Variants in BNC2 observed in about 807,000 individuals in gnomAD.
BNC2 encodes zinc finger protein basonuclin-2.
BNC2 carries 20 observed loss-of-function variants against 76.3 expected under a neutral mutation model. That is an observed-to-expected ratio of 0.26 (90% confidence interval 0.18 to 0.38). BNC2 has a LOEUF of 0.38. Ranked by LOEUF, BNC2 falls within the 10% of genes least tolerant of loss-of-function variation. BNC2 has a pLI of 1.00. For missense variants in BNC2, 1,382 were observed against 1,399.8 expected (o/e 0.99, Z 0.20); for synonymous variants, 582 against 514.8 (o/e 1.13, Z -1.77).
At position 16,732,738 on chromosome 9, in the gene BNC2, G is replaced by A. The variant is rs565541380; in HGVS notation, c.130-4741C>T. ...ATCAGTGGTTTTTCATGTGACACACGCTGGTATTCATCTAATGGCTTGTCA... is the reference window on the plus strand; with the variant it reads ...ATCAGTGGTTTTTCATGTGACACACACTGGTATTCATCTAATGGCTTGTCA... On this transcript the variant is annotated intron_variant, in intron 2 of 6. Coordinates refer to ENST00000380672, the MANE Select transcript of BNC2 (RefSeq NM_017637.6). Among the ~76,000 whole-genome samples, 8 of 152,276 alleles carry A rather than the reference G, an allele frequency of 5.3e-5. No individual in the cohort carries two copies. In the East Asian group the frequency reaches 1.4e-3, roughly 26 times the overall value.
At chr9:16,755,887 A>G (rs778560859) in intron 1 of BNC2, among the ~76,000 whole-genome samples, 1 of 152,204 alleles carries the variant, frequency 6.6e-6, no homozygotes, top group African/African-American at 2.4e-5. Context: ...CCTTGGAGAC[A>G]TTGTGAATCT....
chr9:16,673,748 C>T (rs1050323564), intron 3 of BNC2, among the ~76,000 whole-genome samples: 1 of 152,170 alleles, frequency 6.6e-6, no homozygotes, highest in Non-Finnish European at 1.5e-5. Context: ...TTAATTTCTG[C>T]ATCCACATGC....
intron 1 of BNC2, among the ~76,000 whole-genome samples, chr9:16,764,701 G>A (rs946851533): frequency 2.7e-5 from 4 of 148,518 alleles, no homozygotes; most frequent in Non-Finnish European, 5.9e-5. Context: ...TCATTAATGT[G>A]GAATTATACA....
At chr9:16,797,984 A>G (rs1817697978) in intron 1 of BNC2, among the ~76,000 whole-genome samples, 1 of 152,164 alleles carries the variant, frequency 6.6e-6, no homozygotes, top group Non-Finnish European at 1.5e-5. Context: ...TAGCTCAGTG[A>G]AAGTAATTAC....
intron 1 of BNC2, among the ~76,000 whole-genome samples, chr9:16,847,401 C>CGGGGGG (rs869051853): frequency 0.064 from 655 of 10,258 alleles, 33 homozygotes; most frequent in Non-Finnish European, 0.091. Flanking sequence ...TTTCTCGGGG[C>CGGGGGG]GGGGGGGGGG....
At chr9:16,810,464 GAATGAC>G (rs1367431134) in intron 1 of BNC2, among the ~76,000 whole-genome samples, 1 of 152,216 alleles carries the variant, frequency 6.6e-6, no homozygotes, top group Non-Finnish European at 1.5e-5. Flanking sequence ...TACCTCATGT[GAATGAC>G]AATGACAATG....
chr9:16,507,353 G>A (rs1468139833), intron 5 of BNC2, among the ~76,000 whole-genome samples: 2 of 143,618 alleles, frequency 1.4e-5, no homozygotes, highest in Non-Finnish European at 3.0e-5. Context: ...TACGCCTCCT[G>A]GGTTCAAACG....
At chr9:16,485,139 A>G (rs78963313) in intron 5 of BNC2, among the ~76,000 whole-genome samples, 16 of 149,888 alleles carry the variant, frequency 1.1e-4, no homozygotes, top group African/African-American at 4.0e-4. Context: ...CACTATTTCT[A>G]TTTTTTTTCT....
intron 1 of BNC2, among the ~76,000 whole-genome samples, chr9:16,850,028 T>TA (rs1025433069): frequency 2.6e-5 from 4 of 152,112 alleles, no homozygotes; most frequent in Admixed American, 1.3e-4. Flanking sequence ...TTTGCTCAAC[T>TA]AAAAAAACAG....
chr9:16,497,641 G>A (rs187493073), intron 5 of BNC2, among the ~76,000 whole-genome samples: 5 of 152,122 alleles, frequency 3.3e-5, no homozygotes, highest in African/African-American at 4.8e-5. Context: ...TATAAAAATC[G>A]CTCTAAAGAA....
intron 2 of BNC2, among the ~76,000 whole-genome samples, chr9:16,730,652 A>C (rs1400366790): frequency 6.6e-6 from 1 of 152,184 alleles, no homozygotes; most frequent in Non-Finnish European, 1.5e-5. Flanking sequence ...AATGCTACCC[A>C]GTATAGGCAA....
At chr9:16,663,130 C>CTTTTTTTTTTTTTTT (rs71325979) in intron 3 of BNC2, among the ~76,000 whole-genome samples, 3,643 of 98,820 alleles carry the variant, frequency 0.037, 494 homozygotes, top group Non-Finnish European at 0.053. Flanking sequence ...TCTGTTTACT[C>CTTTTTTTTTTTTTTT]TTTTTTTTTT....
chr9:16,769,007 T>C (rs1286569217), intron 1 of BNC2, among the ~76,000 whole-genome samples: 1 of 152,174 alleles, frequency 6.6e-6, no homozygotes, highest in Admixed American at 6.5e-5. Flanking sequence ...TCCAGGTTTC[T>C]GACTTCCAGA....
intron 1 of BNC2, among the ~76,000 whole-genome samples, chr9:16,862,509 T>C (rs972773561): frequency 6.6e-6 from 1 of 152,170 alleles, no homozygotes; most frequent in African/African-American, 2.4e-5. Context: ...CCTCTATAGA[T>C]ACCCCGTCCC....
intron 4 of BNC2, among the ~76,000 whole-genome samples, chr9:16,568,260 ATTACT>A (rs1587181463): frequency 6.6e-6 from 1 of 152,146 alleles, no homozygotes; most frequent in Non-Finnish European, 1.5e-5. Flanking sequence ...TCTTTCCACG[ATTACT>A]TTAAGAGTTC....
intron 1 of BNC2, among the ~76,000 whole-genome samples, chr9:16,751,340 C>T (rs181173517): frequency 3.3e-5 from 5 of 151,134 alleles, no homozygotes; most frequent in East Asian, 3.9e-4. Flanking sequence ...GGAGCTCATG[C>T]GTTCTCCATG....
At chr9:16,426,922 T>C (rs1820813240) in intron 6 of BNC2, among the ~76,000 whole-genome samples, 1 of 152,174 alleles carries the variant, frequency 6.6e-6, no homozygotes, top group Non-Finnish European at 1.5e-5. Flanking sequence ...GATTTCCTGG[T>C]GTATCACCAT....
rs374833333 is a variant in BNC2 at position 16,553,791 on chromosome 9, C to A, written c.434-1026G>T. Among the ~76,000 whole-genome samples, 58 of 152,210 alleles carry A rather than the reference C, an allele frequency of 3.8e-4. 1 individual carries two copies. The South Asian group carries it at 0.01, about 27-fold the overall frequency. On this transcript the variant is annotated intron_variant, in intron 4 of 6. Transcript: ENST00000380672. ...CATCCATATCTGAGTTACTGCACAC[C>A]CTATTGCTGATAATATAATTACATT... is the stretch of plus-strand genomic sequence containing the variant.
chr9:16,784,767 G>A (rs536570140), intron 1 of BNC2, among the ~76,000 whole-genome samples: 1 of 152,130 alleles, frequency 6.6e-6, no homozygotes, highest in Non-Finnish European at 1.5e-5. Context: ...GAATGAAAAG[G>A]AGTTAAAAGA....
Sources: gnomAD v4.1 joint callset for allele counts (sites outside exome capture counted in the v4.1 genomes callset) on GRCh38, gnomAD v4.1.1 for gene constraint, MANE v1.5 for transcripts, NCBI Gene and HGNC (gene_info 2026-07-23, HGNC 2026-07-21) for gene names.